IFT57: variants seen among roughly 807,000 people sequenced by gnomAD.
The protein encoded by IFT57 is intraflagellar transport 57.
In IFT57, 59 loss-of-function variants were observed where a neutral mutation model predicts 56.8. The observed-to-expected ratio is 1.04, with a 90% confidence interval of 0.84 to 1.29. IFT57 has a LOEUF of 1.29. Ranked by LOEUF, IFT57 falls within the 50% of genes most tolerant of loss-of-function variation. The probability of loss-of-function intolerance (pLI) is 0.00; values close to 1 mark genes in which losing one functional copy is unlikely to be tolerated. For synonymous variants in IFT57, 209 were observed against 186.1 expected (o/e 1.12, Z -1.00); for missense variants, 470 against 522.1 (o/e 0.90, Z 0.97).
chr3:108,193,407 T>C (rs2080226484), intron 5 of IFT57, among the ~76,000 whole-genome samples: 1 of 152,224 alleles, frequency 6.6e-6, no homozygotes, highest in African/African-American at 2.4e-5. Context: ...GGACTATATA[T>C]TTCTAACTTC....
chr3:108,189,378 A>G (rs2080202569), intron 6 of IFT57, among the ~76,000 whole-genome samples: 1 of 152,192 alleles, frequency 6.6e-6, no homozygotes, highest in Non-Finnish European at 1.5e-5. Flanking sequence ...CTGCTCTGAG[A>G]CACAGTTGTA....
At chr3:108,177,542 T>A (rs949111760) in intron 6 of IFT57, among the ~76,000 whole-genome samples, 1 of 151,712 alleles carries the variant, frequency 6.6e-6, no homozygotes, top group Non-Finnish European at 1.5e-5. Flanking sequence ...AAATGCAAGG[T>A]TAGTTTAACA....
chr3:108,192,462 C>T (rs987552581), intron 5 of IFT57, among the ~76,000 whole-genome samples: 2 of 151,848 alleles, frequency 1.3e-5, no homozygotes, highest in African/African-American at 4.8e-5. Flanking sequence ...TGAATTACAA[C>T]AAAAAAGGCC....
At chr3:108,188,692 A>T (rs959074693) in intron 6 of IFT57, among the ~76,000 whole-genome samples, 14 of 151,966 alleles carry the variant, frequency 9.2e-5, no homozygotes, top group African/African-American at 3.2e-4. Context: ...CTTTCAACTC[A>T]TTAATTTTTC....
At chr3:108,221,652 T>C (rs1178205370) in intron 1 of IFT57, among the ~76,000 whole-genome samples, 1 of 152,134 alleles carries the variant, frequency 6.6e-6, no homozygotes, top group Non-Finnish European at 1.5e-5. Context: ...AACAGGGTCT[T>C]AAACAACAAC....
intron 5 of IFT57, among the ~76,000 whole-genome samples, chr3:108,196,585 T>C (rs576554388): frequency 6.6e-6 from 1 of 152,290 alleles, no homozygotes; most frequent in African/African-American, 2.4e-5. Context: ...CATTTACCTT[T>C]ACTAGCTTAT....
chr3:108,213,682 C>G, intron 4 of IFT57: 1 of 339,510 alleles, frequency 2.9e-6, no homozygotes. Context: ...ACTCATATAA[C>G]TAGTGGTATA....
At chr3:108,204,114 C>A (rs2080295414) in intron 5 of IFT57, among the ~76,000 whole-genome samples, 1 of 152,128 alleles carries the variant, frequency 6.6e-6, no homozygotes, top group Admixed American at 6.5e-5. Flanking sequence ...GCAGCCCAAA[C>A]CATCATAAGC....
rs116836832 is a variant in IFT57, at chr3:108,214,483, G to T, written c.495-462C>A. Among the ~76,000 whole-genome samples, 509 of 152,184 alleles carry T rather than the reference G, an allele frequency of 3.3e-3. 4 individuals are homozygous for T. Among genetic ancestry groups the T allele is most frequent in the African/African-American group, 0.012 (485 of 41,542 alleles). The stretch of plus-strand genomic sequence containing the variant: ...AGAATAAATTTGTTCAAGTGAAATG[G>T]CAGGGTAAACAACTTTGTACAGTAT... On this transcript the variant is annotated intron_variant, in intron 3 of 10. Transcript: ENST00000264538.
In IFT57 at chr3:108,213,976, T is replaced by A; in HGVS notation, c.540A>T (p.Glu180Asp). Residue 180 changes from glutamate to aspartate, a missense_variant, in exon 4 of 11, where the codon GAA becomes GAT. Coordinates refer to ENST00000264538, the MANE Select transcript of IFT57 (RefSeq NM_018010.4). Reference sequence around the variant, plus strand: ...TATTTAATGTTAATTCTGCATCATCTTCTGCAACGCTTTCTTCTTCTAATT... The same window carrying A: ...TATTTAATGTTAATTCTGCATCATCATCTGCAACGCTTTCTTCTTCTAATT... ...VEELEEESVA[E>D]DDAELTLNKV... The A allele has an allele frequency of 6.2e-7, 1 of 1,610,336 alleles. No individual in the cohort carries two copies.
At chr3:108,216,825 T>C (rs2080375530) in intron 3 of IFT57, among the ~76,000 whole-genome samples, 2 of 152,168 alleles carry the variant, frequency 1.3e-5, no homozygotes, top group Admixed American at 6.5e-5. Context: ...TGTAGCAACC[T>C]GTATAAGCAT....
In IFT57 at chr3:108,167,869, A is replaced by G; in HGVS notation, c.778-5T>C. The G allele has an allele frequency of 6.3e-7, 1 of 1,580,242 alleles. No homozygotes were observed. On this transcript the variant is annotated splice_polypyrimidine_tract_variant and splice_region_variant and intron_variant, in intron 6 of 10. Transcript: ENST00000264538. ...GTCAACATGGATTCTCCAATCCTAC[A>G]GGCATAGAGCACATAGAAATAATGT...
rs1363439374 is a variant in IFT57, at chr3:108,160,903, T to G, written c.*1574A>C. On this transcript the variant is annotated 3_prime_UTR_variant, in exon 11 of 11. Transcript: ENST00000264538. The stretch of plus-strand genomic sequence containing the variant: ...CCCAAGCTGAGTTAACTGGAATATT[T>G]CAGAGAAGGAAGTAAAAATAGGTGG... The G allele has an allele frequency of 6.6e-6, 1 of 152,160 alleles. No homozygotes were observed. The highest frequency in any genetic ancestry group is 1.5e-5 in the Non-Finnish European group (1 of 68,018). The allele number at this position is 152,160 out of a possible 1,614,324, so 9.4% of individuals were successfully genotyped here.
chr3:108,219,312 C>T, intron 2 of IFT57, 98 bp downstream of exon 2: 1 of 921,382 alleles, frequency 1.1e-6, no homozygotes, highest in Non-Finnish European at 1.7e-6. Context: ...TTCATATTTA[C>T]AGAGGAGTCA....
At chr3:108,206,034 T>TATATA (rs1560122494) in intron 5 of IFT57, among the ~76,000 whole-genome samples, 3 of 124,282 alleles carry the variant, frequency 2.4e-5, no homozygotes, top group Admixed American at 9.4e-5. Context: ...TTGTATATTA[T>TATATA]TTATAATATA....
intron 9 of IFT57, among the ~76,000 whole-genome samples, chr3:108,164,167 G>A (rs1266678274): frequency 6.6e-6 from 1 of 151,928 alleles, no homozygotes; most frequent in Non-Finnish European, 1.5e-5. Flanking sequence ...AAGACATTAT[G>A]TCACTTTTTC....
rs59233165 is a variant in IFT57 at position 108,173,766 on chromosome 3, C to CTGTGTGTGTGTG, written c.778-5914_778-5903dup. Among the ~76,000 whole-genome samples, 454 of 124,680 alleles carry CTGTGTGTGTGTG rather than the reference C, an allele frequency of 3.6e-3. 5 individuals are homozygous for CTGTGTGTGTGTG. Among genetic ancestry groups the CTGTGTGTGTGTG allele is most frequent in the African/African-American group, 0.012 (410 of 33,136 alleles). The allele number at this position is 124,680 out of a possible 152,430, so 81.8% of individuals were successfully genotyped here. ...GTTGAACCATGGTAAGTCAGGGACT[C>CTGTGTGTGTGTG]TGTGTGTGTGTGTGTGTGTGTGTGT... On this transcript the variant is annotated intron_variant, in intron 6 of 10. Coordinates refer to ENST00000264538, the MANE Select transcript of IFT57 (RefSeq NM_018010.4).
chr3:108,168,917 C>T (rs1389738647), intron 6 of IFT57, among the ~76,000 whole-genome samples: 1 of 151,952 alleles, frequency 6.6e-6, no homozygotes, highest in African/African-American at 2.4e-5. Context: ...GGATTGGTTC[C>T]AAGTCTTTGC....
intron 7 of IFT57, 151 bp from the exon 8 acceptor site, chr3:108,167,136 C>T (rs2080067710): frequency 1.6e-6 from 1 of 617,682 alleles, no homozygotes; most frequent in South Asian, 2.3e-5. Context: ...CACAAAATAT[C>T]TGTGATGAGA....
Sources: allele counts gnomAD v4.1 joint callset (sites outside exome capture counted in the v4.1 genomes callset), GRCh38; gene constraint gnomAD v4.1.1; transcripts MANE v1.5; gene names NCBI Gene and HGNC (gene_info 2026-07-23, HGNC 2026-07-21).